Variants in ACVR1 observed in about 807,000 individuals in gnomAD.
ACVR1 encodes the protein activin A receptor type 1.
ACVR1 carries 38 observed loss-of-function variants against 57.1 expected under a neutral mutation model. The observed-to-expected ratio is 0.67, with a 90% CI of 0.51 to 0.87. The LOEUF (loss-of-function observed/expected upper bound fraction) is 0.87, where lower values mean the gene tolerates loss of function less well. Among genes scored for constraint, ACVR1 ranks in the 40% least tolerant of loss-of-function variants. ACVR1 has a pLI of 0.00. For synonymous variants in ACVR1, 212 were observed against 228.1 expected, an observed-to-expected ratio of 0.93 and a Z score of 0.63; for missense variants, 463 against 638.2, an observed-to-expected ratio of 0.73 and a Z score of 2.96.
At chr2:157,867,896 G>C (rs1574168132) in intron 1 of ACVR1, among the ~76,000 whole-genome samples, 1 of 152,106 alleles carries the variant, frequency 6.6e-6, no homozygotes, top group East Asian at 1.9e-4. Flanking sequence ...CATTAGAGCA[G>C]GTACTTCATG....
intron 8 of ACVR1, 53 bp downstream of exon 8, chr2:157,765,868 C>T: frequency 1.3e-6 from 2 of 1,585,698 alleles, no homozygotes; most frequent in Non-Finnish European, 1.7e-6. Flanking sequence ...ACTCACCTAA[C>T]CATTGAAACA....
chr2:157,841,581 T>A (rs1688976764), intron 1 of ACVR1, among the ~76,000 whole-genome samples: 1 of 152,096 alleles, frequency 6.6e-6, no homozygotes, highest in Non-Finnish European at 1.5e-5. Context: ...AGCACACACT[T>A]GTAGAGCCAG....
At chr2:157,818,001 C>CA (rs67822299) in intron 2 of ACVR1, among the ~76,000 whole-genome samples, 86,155 of 124,962 alleles carry the variant, frequency 0.69, 30,724 homozygotes, top group Non-Finnish European at 0.79. Context: ...GACTCCGTCT[C>CA]AAAAAAAAAA....
At chr2:157,778,768 G>A (rs1050008843) in intron 4 of ACVR1, among the ~76,000 whole-genome samples, 2 of 152,172 alleles carry the variant, frequency 1.3e-5, no homozygotes, top group African/African-American at 2.4e-5. Context: ...TATCCTGGGT[G>A]TCTACTGCTG....
In ACVR1 at chr2:157,799,537, A is replaced by C. The variant is rs370463527; in HGVS notation, c.-7-37T>G. On this transcript the variant is annotated intron_variant, in intron 2 of 10. Transcript: ENST00000434821. ...AAAGAAGAGATGTAAGTAAAGCATAAATATCTAACTGCAGGAAGACAAATT... is the reference window on the plus strand; with the variant it reads ...AAAGAAGAGATGTAAGTAAAGCATACATATCTAACTGCAGGAAGACAAATT... 4 of 1,506,628 alleles carry C rather than the reference A, an allele frequency of 2.7e-6. No homozygotes were observed. The African/African-American group carries it at 5.5e-5, about 21-fold the overall frequency. The allele number at this position is 1,506,628 out of a possible 1,614,324, so 93.3% of individuals were successfully genotyped here.
chr2:157,766,265 A>G (rs1685856858), intron 7 of ACVR1, 69 bp from the exon 8 acceptor site: 1 of 1,492,632 alleles, frequency 6.7e-7, no homozygotes, highest in Non-Finnish European at 9.3e-7. Context: ...ATTTAGAAAT[A>G]GCGACCTACA....
At chr2:157,758,405 TTTG>T (rs748804024) in intron 9 of ACVR1, among the ~76,000 whole-genome samples, 2 of 151,988 alleles carry the variant, frequency 1.3e-5, no homozygotes, top group South Asian at 2.1e-4. Flanking sequence ...ATACTGTATT[TTTG>T]TTGTTGTTGT....
intron 1 of ACVR1, among the ~76,000 whole-genome samples, chr2:157,858,849 C>A (rs1360687495): frequency 2.0e-5 from 3 of 151,914 alleles, no homozygotes; most frequent in Non-Finnish European, 2.9e-5. Context: ...CTACTCCTGG[C>A]CTAAAGCAAT....
At chr2:157,746,243 G>T (rs746346014) in intron 9 of ACVR1, among the ~76,000 whole-genome samples, 4 of 152,148 alleles carry the variant, frequency 2.6e-5, no homozygotes, top group Non-Finnish European at 5.9e-5. Flanking sequence ...CCATACCAAA[G>T]CACTTTCTAT....
chr2:157,778,402 C>T, intron 4 of ACVR1, 60 bp from the exon 5 acceptor site: 1 of 1,377,762 alleles, frequency 7.3e-7, no homozygotes, highest in Non-Finnish European at 1.0e-6. Context: ...TTATTATTAG[C>T]ATAACCAATA....
At chr2:157,857,833 T>A (rs1255498262) in intron 1 of ACVR1, among the ~76,000 whole-genome samples, 1 of 152,142 alleles carries the variant, frequency 6.6e-6, no homozygotes, top group Non-Finnish European at 1.5e-5. Context: ...AAAAGGTGAG[T>A]AGTTATGATT....
rs1023063416 is a variant in ACVR1, at chr2:157,818,469, G to A, written c.-92C>T. 5 of 152,164 alleles carry A rather than the reference G, an allele frequency of 3.3e-5. No homozygotes were observed. The highest frequency in any genetic ancestry group is 2.1e-4 in the South Asian group (1 of 4,818). 9.4% of individuals were successfully genotyped at this position (152,164 alleles called of 1,614,324 possible). On this transcript the variant is annotated 5_prime_UTR_variant, in exon 2 of 11. Coordinates refer to ENST00000434821, the MANE Select transcript of ACVR1 (RefSeq NM_001111067.4). ...AGAGCTTCTCTCACTCTGGTCACTG[G>A]GGTACTCGGAGAGTAGAAGAGGCGT...
intron 6 of ACVR1, among the ~76,000 whole-genome samples, chr2:157,772,851 T>C (rs1414175682): frequency 6.6e-6 from 1 of 152,192 alleles, no homozygotes; most frequent in East Asian, 1.9e-4. Context: ...ACAGTGACAA[T>C]AGCCGTAGAC....
Position 157,737,196 on chromosome 2 carries a change from G to C in ACVR1, c.*335C>G. ...CCCGTGGGGAGTGTCTAGGAGACTT[G>C]TGAAAGCTATGCAAAGCCACTGACT... On this transcript the variant is annotated 3_prime_UTR_variant, in exon 11 of 11. Transcript: ENST00000434821. 2.3e-6 allele frequency: 1 copy of C among 431,522 alleles called. No homozygotes were observed. Among genetic ancestry groups the C allele is most frequent in the South Asian group, 2.3e-5 (1 of 43,294 alleles). 26.7% of individuals were successfully genotyped at this position (431,522 alleles called of 1,614,324 possible). A position where few individuals can be genotyped will look rare whatever the true frequency, so the allele number is the denominator to read the frequency against.
intron 7 of ACVR1, among the ~76,000 whole-genome samples, chr2:157,767,033 CTT>C (rs72201685): frequency 0.057 from 8,612 of 151,778 alleles, 602 homozygotes; most frequent in African/African-American, 0.17. Flanking sequence ...TTTTCTTTTT[CTT>C]TTTCTTTTTT....
intron 3 of ACVR1, among the ~76,000 whole-genome samples, chr2:157,799,175 C>A (rs1351810171): frequency 6.6e-6 from 1 of 151,932 alleles, no homozygotes; most frequent in South Asian, 2.1e-4. Flanking sequence ...GGATTACAGG[C>A]GTGAGGCACC....
At chr2:157,856,042 TAA>T (rs35485473) in intron 1 of ACVR1, among the ~76,000 whole-genome samples, 1 of 147,446 alleles carries the variant, frequency 6.8e-6, no homozygotes, top group African/African-American at 2.5e-5. Flanking sequence ...CCCAAAAACT[TAA>T]AAAAAAAAAT....
At chr2:157,783,482 G>A (rs552131669) in intron 3 of ACVR1, among the ~76,000 whole-genome samples, 1 of 152,282 alleles carries the variant, frequency 6.6e-6, no homozygotes, top group African/African-American at 2.4e-5. Context: ...CTAAATCAAA[G>A]AGATTCATCT....
chr2:157,868,876 G>A (rs900808233), intron 1 of ACVR1, among the ~76,000 whole-genome samples: 10 of 152,158 alleles, frequency 6.6e-5, no homozygotes, highest in East Asian at 3.8e-4. Context: ...CAAAGAAGAC[G>A]GGAAAAGATG....
Sources: gnomAD v4.1 joint callset for allele counts (sites outside exome capture counted in the v4.1 genomes callset) on GRCh38, gnomAD v4.1.1 for gene constraint, MANE v1.5 for transcripts, NCBI Gene and HGNC (gene_info 2026-07-23, HGNC 2026-07-21) for gene names.